Variants in EPB41L5 observed in about 807,000 individuals in gnomAD.
EPB41L5 encodes the protein erythrocyte membrane protein band 4.1 like 5, also known as band 4.1-like protein 5.
A neutral mutation model predicts 106.6 loss-of-function variants in EPB41L5; 55 were observed. That is an observed-to-expected ratio of 0.52 (90% CI 0.42 to 0.65). EPB41L5 has a LOEUF of 0.65. Among genes scored for constraint, EPB41L5 ranks in the 30% least tolerant of loss-of-function variants. The probability of loss-of-function intolerance (pLI) is 0.00; values close to 1 mark genes in which losing one functional copy is unlikely to be tolerated. For missense variants in EPB41L5, 871 were observed against 882.1 expected (o/e 0.99, Z 0.16); for synonymous variants, 297 against 306.7 (o/e 0.97, Z 0.33).
At chr2:120,112,336 G>A (rs1178910067) in intron 16 of EPB41L5, among the ~76,000 whole-genome samples, 3 of 152,162 alleles carry the variant, frequency 2.0e-5, no homozygotes, top group Admixed American at 6.5e-5. Context: ...TTAAGGGAGA[G>A]CATTTATTTT....
At chr2:120,105,422 A>AGG (rs1684392936) in intron 16 of EPB41L5, 9 of 984,990 alleles carry the variant, frequency 9.1e-6, no homozygotes, top group Non-Finnish European at 9.6e-6. Context: ...GCTCACATAG[A>AGG]GGTTGGTTTT....
At chr2:120,013,786 CTGT>C (rs1677312470) in intron 1 of EPB41L5, 1 of 152,170 alleles carries the variant, frequency 6.6e-6, no homozygotes, top group African/African-American at 2.4e-5. Flanking sequence ...TTAATTGTGT[CTGT>C]GGTTACTCGA....
At chr2:120,079,804 C>T (rs1448744684) in intron 10 of EPB41L5, among the ~76,000 whole-genome samples, 2 of 152,102 alleles carry the variant, frequency 1.3e-5, no homozygotes, top group African/African-American at 4.8e-5. Flanking sequence ...ATTAAATGGT[C>T]CTTCTGTTCC....
chr2:120,076,916 G>T (rs973687950), intron 7 of EPB41L5, 55 bp from the exon 8 acceptor site: 2 of 1,473,410 alleles, frequency 1.4e-6, no homozygotes, highest in Non-Finnish European at 1.8e-6. Flanking sequence ...TAATGAAATG[G>T]TTTTTGAAGG....
chr2:120,173,422 C>T (rs530417695), intron 24 of EPB41L5, among the ~76,000 whole-genome samples: 3 of 152,110 alleles, frequency 2.0e-5, no homozygotes, highest in Non-Finnish European at 4.4e-5. Flanking sequence ...TGCTGGGCTC[C>T]ACCCTCATAG....
At chr2:120,035,853 C>T (rs974937513) in intron 2 of EPB41L5, among the ~76,000 whole-genome samples, 1 of 152,048 alleles carries the variant, frequency 6.6e-6, no homozygotes, top group African/African-American at 2.4e-5. Flanking sequence ...TTCTAGTGTC[C>T]TAAGATTAAC....
At chr2:120,072,148 G>A (rs1681913537) in intron 3 of EPB41L5, among the ~76,000 whole-genome samples, 1 of 152,106 alleles carries the variant, frequency 6.6e-6, no homozygotes, top group Non-Finnish European at 1.5e-5. Flanking sequence ...CTTCTCAAAA[G>A]CAGACATTTA....
chr2:120,152,216 A>G (rs1686711061), intron 20 of EPB41L5, among the ~76,000 whole-genome samples: 1 of 151,930 alleles, frequency 6.6e-6, no homozygotes, highest in African/African-American at 2.4e-5. Context: ...GTTTGTTTTT[A>G]TCATGAAAAA....
chr2:120,077,296 G>A lies in EPB41L5; in HGVS notation c.694G>A (p.Val232Ile), dbSNP rs1360728174. ...AGCCAAATGGCTAGAAATGTATGGG[G>A]TTGATATGCATGTGGTCAAGGTAAG... The part of the protein sequence containing the change: ...NKAKWLEMYG[V>I]DMHVVKARDG... The change falls in exon 9 of 25, where the codon GTT becomes ATT. Residue 232 changes from valine to isoleucine, a missense_variant. Coordinates refer to ENST00000263713, the MANE Select transcript of EPB41L5 (RefSeq NM_020909.4). 1 of 1,611,894 alleles carries A rather than the reference G, an allele frequency of 6.2e-7. No homozygotes were observed. Among genetic ancestry groups the A allele is most frequent in the South Asian group, 1.1e-5 (1 of 90,706 alleles).
chr2:120,039,914 T>G (rs1250968531), intron 2 of EPB41L5, among the ~76,000 whole-genome samples: 1 of 151,816 alleles, frequency 6.6e-6, no homozygotes, highest in Non-Finnish European at 1.5e-5. Context: ...GACTTACTGA[T>G]CTCAGGTGAC....
intron 2 of EPB41L5, among the ~76,000 whole-genome samples, chr2:120,025,271 T>C (rs946957544): frequency 5.9e-5 from 9 of 152,240 alleles, no homozygotes; most frequent in African/African-American, 2.2e-4. Flanking sequence ...GATTTTGTAG[T>C]TGATTTGCAT....
chr2:120,144,677 C>G (rs1328030838), intron 19 of EPB41L5, among the ~76,000 whole-genome samples: 1 of 152,112 alleles, frequency 6.6e-6, no homozygotes, highest in African/African-American at 2.4e-5. Flanking sequence ...CCCAATTCAT[C>G]TTATGAGACT....
At chr2:120,073,045 C>G (rs1681984407) in intron 3 of EPB41L5, 133 bp from the exon 4 acceptor site, 4 of 697,236 alleles carry the variant, frequency 5.7e-6, no homozygotes, top group Middle Eastern at 2.8e-4. Context: ...TTCTCATTCA[C>G]TTGGGTTTTT....
chr2:120,140,699 T>C (rs1021913071), intron 18 of EPB41L5, among the ~76,000 whole-genome samples: 13 of 152,070 alleles, frequency 8.5e-5, no homozygotes, highest in African/African-American at 2.4e-4. Flanking sequence ...ATAATGCATA[T>C]ATCCCAAAAT....
At chr2:120,112,322 T>A (rs1684760872) in intron 16 of EPB41L5, among the ~76,000 whole-genome samples, 1 of 152,178 alleles carries the variant, frequency 6.6e-6, no homozygotes, top group African/African-American at 2.4e-5. Flanking sequence ...GAATGTACGC[T>A]CCGTTAAGGG....
At chr2:120,040,705 A>G (rs1477533475) in intron 2 of EPB41L5, among the ~76,000 whole-genome samples, 1 of 152,208 alleles carries the variant, frequency 6.6e-6, no homozygotes, top group Admixed American at 6.5e-5. Context: ...AAAAGAATAA[A>G]TAGAAGTATG....
At chr2:120,104,646 G>A in intron 16 of EPB41L5, 1 of 987,058 alleles carries the variant, frequency 1.0e-6, no homozygotes, top group Non-Finnish European at 1.2e-6. Context: ...GTGGAAGCAT[G>A]TCTAGGCATA....
chr2:120,047,550 G>A (rs1032286787), intron 3 of EPB41L5, among the ~76,000 whole-genome samples: 2 of 152,030 alleles, frequency 1.3e-5, no homozygotes, highest in Non-Finnish European at 2.9e-5. Context: ...ATCAGCTTAA[G>A]GAGATTTTGG....
intron 17 of EPB41L5, among the ~76,000 whole-genome samples, chr2:120,129,680 A>T (rs2105467035): frequency 6.6e-6 from 1 of 152,338 alleles, no homozygotes; most frequent in East Asian, 1.9e-4. Flanking sequence ...AGGAATGCTT[A>T]AAAAAAGATC....
Sources: allele counts gnomAD v4.1 joint callset (sites outside exome capture counted in the v4.1 genomes callset), GRCh38; gene constraint gnomAD v4.1.1; transcripts MANE v1.5; gene names NCBI Gene and HGNC (gene_info 2026-07-23, HGNC 2026-07-21).